The following RHOA variants were observed in gnomAD, a reference collection of about 807,000 sequenced individuals.
RHOA encodes the protein ras homolog family member A, also known as transforming protein RhoA.
A neutral mutation model predicts 17.5 loss-of-function variants in RHOA; 3 were observed. That is an observed-to-expected ratio of 0.17 (90% CI 0.08 to 0.44). The LOEUF is 0.44. Ranked by LOEUF, RHOA falls within the 20% of genes least tolerant of loss-of-function variation. RHOA has a pLI of 0.99. For synonymous variants in RHOA, 98 were observed against 88.4 expected (o/e 1.11, Z -0.61); for missense variants, 56 against 242.3 (o/e 0.23, Z 5.10).
At chr3:49,375,960 T>C (rs1009858237) in intron 1 of RHOA, among the ~76,000 whole-genome samples, 1 of 152,058 alleles carries the variant, frequency 6.6e-6, no homozygotes, top group Admixed American at 6.6e-5. Flanking sequence ...GCAATTCTCC[T>C]GCCTCAGACT....
At chr3:49,370,923 CG>C (rs1357744711) in intron 2 of RHOA, among the ~76,000 whole-genome samples, 1 of 152,186 alleles carries the variant, frequency 6.6e-6, no homozygotes, top group Non-Finnish European at 1.5e-5. Flanking sequence ...CTTCCACCCC[CG>C]AACTTTTGCC....
chr3:49,378,375 C>G (rs1223701614), intron 1 of RHOA, among the ~76,000 whole-genome samples: 1 of 150,112 alleles, frequency 6.7e-6, no homozygotes, highest in Non-Finnish European at 1.5e-5. Context: ...AATTCCCCAG[C>G]AGCTGGGACC....
chr3:49,368,578 C>G (rs2107839040), intron 2 of RHOA, 30 bp from the exon 3 acceptor site: 2 of 1,613,590 alleles, frequency 1.2e-6, no homozygotes, highest in Non-Finnish European at 1.7e-6. Flanking sequence ...CACAAGAGTG[C>G]AAGGTTAATC....
chr3:49,386,302 C>T (rs1008124525), intron 1 of RHOA, among the ~76,000 whole-genome samples: 1 of 152,144 alleles, frequency 6.6e-6, no homozygotes, highest in Admixed American at 6.6e-5. Context: ...CCACAGGCAT[C>T]AAACTAAATG....
intron 1 of RHOA, among the ~76,000 whole-genome samples, chr3:49,383,028 TG>T (rs1462363784): frequency 1.0e-4 from 15 of 150,082 alleles, no homozygotes. Flanking sequence ...CACTCCAGCC[TG>T]GGCGACAAGA....
intron 1 of RHOA, among the ~76,000 whole-genome samples, chr3:49,379,849 A>ATTAT (rs2048289019): frequency 6.6e-6 from 1 of 152,186 alleles, no homozygotes; most frequent in Non-Finnish European, 1.5e-5. Context: ...TAAAAAGGTG[A>ATTAT]ATTGTAAGAT....
At chr3:49,405,370 G>C (rs1460959805) in intron 1 of RHOA, among the ~76,000 whole-genome samples, 1 of 152,022 alleles carries the variant, frequency 6.6e-6, no homozygotes, top group African/African-American at 2.4e-5. Flanking sequence ...GGTGGAGGTT[G>C]CAGTGAGCTG....
intron 1 of RHOA, among the ~76,000 whole-genome samples, chr3:49,380,508 C>T (rs2048298397): frequency 6.6e-6 from 1 of 151,872 alleles, no homozygotes; most frequent in Non-Finnish European, 1.5e-5. Flanking sequence ...GAGTTTGAGA[C>T]CAGCCTGGCC....
At chr3:49,382,038 G>C (rs1463493055) in intron 1 of RHOA, among the ~76,000 whole-genome samples, 1 of 150,276 alleles carries the variant, frequency 6.7e-6, no homozygotes, top group South Asian at 2.1e-4. Context: ...AAAAAATATT[G>C]GCCGGGCATG....
intron 2 of RHOA, 99 bp downstream of exon 2, chr3:49,375,335 T>C (rs2048209155): frequency 5.6e-6 from 6 of 1,072,622 alleles, no homozygotes; most frequent in Non-Finnish European, 7.9e-6. Flanking sequence ...ATTTTTGTTA[T>C]ATGGTATACT....
intron 1 of RHOA, among the ~76,000 whole-genome samples, chr3:49,391,859 G>T (rs916535538): frequency 2.6e-5 from 3 of 115,862 alleles, no homozygotes; most frequent in Non-Finnish European, 5.2e-5. Context: ...ACAGCGTTTC[G>T]ATCTTGTCCC....
At chr3:49,375,076 G>A (rs2048204904) in intron 2 of RHOA, among the ~76,000 whole-genome samples, 1 of 151,976 alleles carries the variant, frequency 6.6e-6, no homozygotes, top group East Asian at 1.9e-4. Context: ...TTTGAGACCA[G>A]CCTGGTGAAA....
chr3:49,390,770 G>C (rs764154271), intron 1 of RHOA, among the ~76,000 whole-genome samples: 1 of 152,046 alleles, frequency 6.6e-6, no homozygotes, highest in Non-Finnish European at 1.5e-5. Flanking sequence ...AAGGTAAAAG[G>C]CGTCATGGAT....
chr3:49,375,914 C>G (rs1287287010), intron 1 of RHOA, among the ~76,000 whole-genome samples: 1 of 152,018 alleles, frequency 6.6e-6, no homozygotes, highest in African/African-American at 2.4e-5. Flanking sequence ...CTGGCCCAAT[C>G]TCAGTTCACT....
intron 1 of RHOA, among the ~76,000 whole-genome samples, chr3:49,376,798 ATTCC>A (rs765001729): frequency 1.3e-5 from 2 of 152,046 alleles, no homozygotes; most frequent in Non-Finnish European, 2.9e-5. Flanking sequence ...AAGTTTGGAT[ATTCC>A]TTCTTTTACC....
intron 1 of RHOA, among the ~76,000 whole-genome samples, chr3:49,379,745 A>G (rs1256980133): frequency 6.6e-5 from 10 of 152,120 alleles, no homozygotes; most frequent in Non-Finnish European, 1.5e-4. Flanking sequence ...CAAACTCCTG[A>G]GGTCAAGCGA....
At chr3:49,375,616 C>A (rs780633579) in intron 1 of RHOA, 25 bp from the exon 2 acceptor site, 1 of 1,608,834 alleles carries the variant, frequency 6.2e-7, no homozygotes, top group Non-Finnish European at 8.5e-7. Context: ...ACAGATATTA[C>A]CTGCAATGCA....
intron 2 of RHOA, among the ~76,000 whole-genome samples, 158 bp from the exon 3 acceptor site, chr3:49,368,706 T>A: frequency 6.7e-6 from 1 of 150,002 alleles, no homozygotes; most frequent in East Asian, 1.9e-4. Context: ...TTTTCTTTTT[T>A]CTTTTTTTTT....
At chr3:49,393,729 T>TGTGAGA (rs1553635013) in intron 1 of RHOA, among the ~76,000 whole-genome samples, 47 of 136,824 alleles carry the variant, frequency 3.4e-4, no homozygotes, top group East Asian at 8.4e-4. Flanking sequence ...TGTGTGTGTG[T>TGTGAGA]GACAGAATCT....
Sources: gnomAD v4.1 joint callset for allele counts (sites outside exome capture counted in the v4.1 genomes callset) on GRCh38, gnomAD v4.1.1 for gene constraint, MANE v1.5 for transcripts, NCBI Gene and HGNC (gene_info 2026-07-23, HGNC 2026-07-21) for gene names.